C5: variants seen among roughly 807,000 people sequenced by gnomAD.
The protein encoded by C5 is complement C5, also known as C3 and PZP-like alpha-2-macroglobulin domain-containing protein 4.
C5 carries 140 observed loss-of-function variants against 218.8 expected under a neutral mutation model. That is an observed-to-expected ratio of 0.64 (90% CI 0.56 to 0.74). C5 has a LOEUF of 0.74. C5 is among the 30% of genes least tolerant of loss of function. C5 has a pLI of 0.00. For missense variants in C5, 1,700 were observed against 1,969.6 expected (o/e 0.86, Z 2.59); for synonymous variants, 614 against 682.3 (o/e 0.90, Z 1.56).
chr9:121,044,789 C>T (rs1363531002), intron 2 of C5, among the ~76,000 whole-genome samples: 1 of 152,130 alleles, frequency 6.6e-6, no homozygotes, highest in African/African-American at 2.4e-5. Context: ...CTATGGTAGC[C>T]AATAGCTACC....
intron 7 of C5, among the ~76,000 whole-genome samples, chr9:121,028,005 C>A (rs1306102030): frequency 6.6e-6 from 1 of 152,022 alleles, no homozygotes; most frequent in Non-Finnish European, 1.5e-5. Context: ...AAGAAAAAAA[C>A]AAACAACCCC....
At chr9:120,991,717 A>T (rs1220725421) in intron 22 of C5, among the ~76,000 whole-genome samples, 1 of 152,166 alleles carries the variant, frequency 6.6e-6, no homozygotes, top group Non-Finnish European at 1.5e-5. Flanking sequence ...TCTAGTTTTG[A>T]TACTTTTTAA....
At chr9:120,975,302 G>A (rs1316748960) in intron 29 of C5, among the ~76,000 whole-genome samples, 2 of 152,070 alleles carry the variant, frequency 1.3e-5, no homozygotes, top group African/African-American at 4.8e-5. Flanking sequence ...CCCCTTTCCC[G>A]TTATTCTCTG....
chr9:121,007,216 G>A (rs981620277), intron 18 of C5, among the ~76,000 whole-genome samples: 1 of 152,180 alleles, frequency 6.6e-6, no homozygotes, highest in Non-Finnish European at 1.5e-5. Context: ...TCAGAAGAAT[G>A]CCTTTGAAAC....
chr9:121,034,168 C>T (rs2047502931), intron 5 of C5, among the ~76,000 whole-genome samples: 1 of 152,200 alleles, frequency 6.6e-6, no homozygotes, highest in African/African-American at 2.4e-5. Flanking sequence ...GATCCACCGA[C>T]ATTGGCCTCC....
chr9:121,013,000 C>T (rs1479541030), intron 17 of C5, among the ~76,000 whole-genome samples: 1 of 152,080 alleles, frequency 6.6e-6, no homozygotes, highest in African/African-American at 2.4e-5. Context: ...CAGAAGCTGT[C>T]ATTTTGCTTT....
intron 25 of C5, among the ~76,000 whole-genome samples, chr9:120,984,527 G>A (rs2047018535): frequency 6.6e-6 from 1 of 152,014 alleles, no homozygotes; most frequent in Non-Finnish European, 1.5e-5. Context: ...ATACGGCCAG[G>A]CTGCCTCTCC....
intron 27 of C5, among the ~76,000 whole-genome samples, chr9:120,981,434 G>T (rs41311913): frequency 0.019 from 2,940 of 152,272 alleles, 95 homozygotes; most frequent in African/African-American, 0.068. Flanking sequence ...TGTATCCTCA[G>T]TACTTGCATG....
Position 121,009,857 on chromosome 9 carries a change from C to T in C5, c.2258-1359G>A, listed in dbSNP as rs557013251. Among the ~76,000 whole-genome samples, 169 of 152,340 alleles carry T rather than the reference C, an allele frequency of 1.1e-3. 7 individuals carry two copies. Among genetic ancestry groups the T allele is most frequent in the Non-Finnish European group, 4.1e-4 (28 of 68,018 alleles). ...TCTCTGTGTTGGGAGAGGGAGAGTG[C>T]AGTCATTCTGTGGCTTTGCATTGAA... is the stretch of plus-strand genomic sequence containing the variant. On this transcript the variant is annotated intron_variant, in intron 17 of 40. Coordinates refer to ENST00000223642, the MANE Select transcript of C5 (RefSeq NM_001735.3).
At chr9:121,002,427 CAG>C (rs1313032318) in intron 20 of C5, among the ~76,000 whole-genome samples, 5 of 150,150 alleles carry the variant, frequency 3.3e-5, no homozygotes, top group Non-Finnish European at 5.9e-5. Flanking sequence ...TACAGTTGAG[CAG>C]AGTTTGGCTG....
chr9:121,019,043 T>C (rs781646643), intron 12 of C5, among the ~76,000 whole-genome samples: 12 of 152,132 alleles, frequency 7.9e-5, no homozygotes, highest in Non-Finnish European at 1.3e-4. Flanking sequence ...AAACCCCTTT[T>C]GTTTCACCGA....
At chr9:121,049,370 G>C (rs1564167548) in intron 1 of C5, among the ~76,000 whole-genome samples, 1 of 152,152 alleles carries the variant, frequency 6.6e-6, no homozygotes, top group Non-Finnish European at 1.5e-5. Flanking sequence ...GGATGCTAAG[G>C]TAGTTGAGTG....
chr9:121,032,054 C>A lies in C5; in HGVS notation c.667+59G>T, dbSNP rs879028252. On this transcript the variant is annotated intron_variant, in intron 6 of 40. Transcript: ENST00000223642. The stretch of plus-strand genomic sequence containing the variant: ...CTCCAGCCTGGGCAACAGAGCGAGA[C>A]TCCATCTCAAAAACAAAAAACAAAA... 5.9e-6 allele frequency: 6 copies of A among 1,021,458 alleles called. 1 individual carries two copies. Among genetic ancestry groups the A allele is most frequent in the Middle Eastern group, 2.7e-4 (1 of 3,700 alleles). The allele number at this position is 1,021,458 out of a possible 1,614,324, so 63.3% of individuals were successfully genotyped here.
rs1587987653 is a variant in C5 at position 121,025,437 on chromosome 9, C to T, written c.1000+17G>A. On this transcript the variant is annotated intron_variant, in intron 9 of 40. Transcript: ENST00000223642. ...GAAAGTATACACACACACACACACA[C>T]ACACACACACACTTACCTGTAGACT... 1 of 1,602,412 alleles carries T rather than the reference C, an allele frequency of 6.2e-7. No individual in the cohort carries two copies. The highest frequency in any genetic ancestry group is 1.7e-5 in the Admixed American group (1 of 58,700).
chr9:121,065,072 AAAAT>A, the C5 span, among the ~76,000 whole-genome samples: 73 of 64,262 alleles, frequency 1.1e-3, no homozygotes, highest in East Asian at 0.022. Flanking sequence ...TCCATCTAAA[AAAAT>A]ATATATATAT....
chr9:120,957,604 T>A, intron 38 of C5, among the ~76,000 whole-genome samples: 1 of 152,220 alleles, frequency 6.6e-6, no homozygotes, highest in Non-Finnish European at 1.5e-5. Flanking sequence ...GAGACATATT[T>A]AATAAAATAA....
intron 24 of C5, among the ~76,000 whole-genome samples, 181 bp downstream of exon 24, chr9:120,989,387 T>C (rs2047058782): frequency 6.6e-6 from 1 of 152,230 alleles, no homozygotes; most frequent in South Asian, 2.1e-4. Flanking sequence ...TCAGGCATTT[T>C]GGTAAGTTGA....
chr9:121,074,146 T>C, the C5 span, among the ~76,000 whole-genome samples: 1 of 152,134 alleles, frequency 6.6e-6, no homozygotes, highest in Admixed American at 6.5e-5. Flanking sequence ...GGGTGCAGCC[T>C]CTGATGGTAA....
rs1347082088 is a variant in C5 at position 120,981,933 on chromosome 9, A to G, written c.3397T>C (p.Leu1133=). 1 of 1,611,858 alleles carries G rather than the reference A, an allele frequency of 6.2e-7. No individual in the cohort carries two copies. Among genetic ancestry groups the G allele is most frequent in the Non-Finnish European group, 8.5e-7 (1 of 1,177,960 alleles). Residue 1133 remains leucine, a synonymous_variant, in exon 27 of 41, where the codon TTG becomes CTG. Transcript: ENST00000223642. ...CTGTTCTCTCGGGCTTCAACAGGCAAGGTACCCTAAAAAGAAGCAATGTTT... is the reference window on the plus strand; with the variant it reads ...CTGTTCTCTCGGGCTTCAACAGGCAGGGTACCCTAAAAAGAAGCAATGTTT... ...QYQPIKLQGT[L]PVEARENSLY...
Sources: gnomAD v4.1 joint callset for allele counts (sites outside exome capture counted in the v4.1 genomes callset) on GRCh38, gnomAD v4.1.1 for gene constraint, MANE v1.5 for transcripts, NCBI Gene and HGNC (gene_info 2026-07-23, HGNC 2026-07-21) for gene names.